HUWE1: variants seen among roughly 807,000 people sequenced by gnomAD.
HUWE1 encodes the protein HECT, UBA and WWE domain containing E3 ubiquitin protein ligase 1, also known as E3 ubiquitin-protein ligase HUWE1.
HUWE1 carries 18 observed loss-of-function variants against 299.4 expected under a neutral mutation model. That is an observed-to-expected ratio of 0.06 (90% CI 0.04 to 0.09). HUWE1 has a LOEUF of 0.09. Among genes scored for constraint, HUWE1 ranks in the 10% least tolerant of loss-of-function variants. The probability of loss-of-function intolerance (pLI) is 1.00; values close to 1 mark genes in which losing one functional copy is unlikely to be tolerated. For missense variants in HUWE1, 1,832 were observed against 3,462.3 expected (o/e 0.53, Z 11.82); for synonymous variants, 1,317 against 1,286.1 (o/e 1.02, Z -0.51).
At chrX:53,560,515 G>A in intron 55 of HUWE1, 99 bp from the exon 56 acceptor site, 1 of 718,452 alleles carries the variant, frequency 1.4e-6, no homozygotes, top group Non-Finnish European at 2.1e-6. Context: ...TCCTCACACG[G>A]AAACCTGAGC....
intron 42 of HUWE1, among the ~76,000 whole-genome samples, chrX:53,583,320 A>G (rs1373352909): frequency 9.2e-6 from 1 of 109,225 alleles, no homozygotes; most frequent in Non-Finnish European, 1.9e-5. Context: ...AAAAAAAAAG[A>G]AAAAAAGAAA....
chrX:53,622,079 T>C (rs1342970299), intron 19 of HUWE1, among the ~76,000 whole-genome samples: 1 of 111,863 alleles, frequency 8.9e-6, no homozygotes, highest in Non-Finnish European at 1.9e-5. Flanking sequence ...AGTCAGAATA[T>C]TTAGTGGGTT....
chrX:53,654,859 C>T (rs1557042216), intron 3 of HUWE1, among the ~76,000 whole-genome samples: 1 of 112,422 alleles, frequency 8.9e-6, no homozygotes, highest in African/African-American at 3.2e-5. Context: ...TTTACCTATG[C>T]ACCTTTTACT....
intron 8 of HUWE1, among the ~76,000 whole-genome samples, chrX:53,632,904 T>A (rs1334140433): frequency 8.9e-6 from 1 of 112,251 alleles, no homozygotes; most frequent in Non-Finnish European, 1.9e-5. Context: ...CAGTAATGAA[T>A]AAGAATCCAA....
intron 79 of HUWE1, 45 bp from the exon 80 acceptor site, chrX:53,536,297 GGAA>G (rs1368859455): frequency 8.7e-7 from 1 of 1,144,643 alleles, no homozygotes. Flanking sequence ...CGAGTGGGGG[GGAA>G]GAAGGAGCAC....
chrX:53,533,824 C>G (rs1379182415), intron 83 of HUWE1, 183 bp downstream of exon 83: 1 of 493,884 alleles, frequency 2.0e-6, no homozygotes, highest in Non-Finnish European at 3.6e-6. Flanking sequence ...GTCTCCCCAG[C>G]CCCCACTGTG....
intron 65 of HUWE1, 25 bp from the exon 66 acceptor site, chrX:53,550,793 G>C (rs2061737912): frequency 1.7e-6 from 2 of 1,198,299 alleles, no homozygotes; most frequent in Non-Finnish European, 2.3e-6. Context: ...AAAGAAAACT[G>C]AGATTGTGGA....
At chrX:53,588,858 A>G (rs1443131690) in intron 36 of HUWE1, among the ~76,000 whole-genome samples, 2 of 112,180 alleles carry the variant, frequency 1.8e-5, no homozygotes, top group Non-Finnish European at 3.8e-5. Flanking sequence ...TCCATCAGCA[A>G]TCTTTCATTT....
chrX:53,549,676 T>C (rs1470304775), intron 66 of HUWE1, among the ~76,000 whole-genome samples, 171 bp from the exon 67 acceptor site: 2 of 110,875 alleles, frequency 1.8e-5, no homozygotes, highest in Non-Finnish European at 3.8e-5. Context: ...GTGTCTACTA[T>C]GTACCAGGCA....
At chrX:53,648,004 A>G (rs1268410833) in intron 5 of HUWE1, among the ~76,000 whole-genome samples, 3 of 112,518 alleles carry the variant, frequency 2.7e-5, no homozygotes, top group Non-Finnish European at 5.6e-5. Flanking sequence ...ATTCTTAAGC[A>G]TCACCTGTGA....
intron 7 of HUWE1, among the ~76,000 whole-genome samples, chrX:53,637,608 T>TA (rs1250714132): frequency 2.7e-5 from 3 of 112,621 alleles, no homozygotes; most frequent in Non-Finnish European, 5.6e-5. Context: ...TGCAACTTGA[T>TA]AAAAAACAAG....
chrX:53,677,349 C>T (rs1276215748), intron 3 of HUWE1, among the ~76,000 whole-genome samples: 2 of 110,406 alleles, frequency 1.8e-5, no homozygotes, highest in African/African-American at 6.6e-5. Context: ...TGCATTAACT[C>T]AGCTAAATTT....
At chrX:53,535,591 G>C in intron 80 of HUWE1, 90 bp from the exon 81 acceptor site, 1 of 612,885 alleles carries the variant, frequency 1.6e-6, no homozygotes, top group Non-Finnish European at 2.8e-6. Context: ...CCCTTGCCAT[G>C]TCCTAGGCAG....
chrX:53,538,754 A>G, intron 76 of HUWE1, 81 bp downstream of exon 76: 1 of 693,751 alleles, frequency 1.4e-6, no homozygotes, highest in Admixed American at 3.3e-5. Context: ...TCTCTCTCTC[A>G]TCAACTAAGG....
intron 3 of HUWE1, among the ~76,000 whole-genome samples, chrX:53,656,173 A>C (rs2068735155): frequency 9.2e-6 from 1 of 109,167 alleles, no homozygotes; most frequent in Admixed American, 9.8e-5. Context: ...CAGGAGATGG[A>C]GACCATCCTG....
intron 49 of HUWE1, among the ~76,000 whole-genome samples, chrX:53,566,120 T>TGG (rs2062532998): frequency 2.8e-5 from 1 of 36,350 alleles, no homozygotes; most frequent in Non-Finnish European, 5.4e-5. Context: ...TGTATGTATG[T>TGG]GTGTGTGTGT....
In HUWE1 at chrX:53,631,380, C is replaced by A. The variant is rs374856040; in HGVS notation, c.762+34G>T. The A allele has an allele frequency of 2.4e-5, 25 of 1,043,541 alleles. No homozygotes were observed. The African/African-American group carries it at 3.3e-4, about 14-fold the overall frequency. 86.0% of individuals were successfully genotyped at this position (1,043,541 alleles called of 1,213,427 possible). ...ATCATTAATCTATTTAGATAACAAC[C>A]ACATCCTGTGGATGTTTTAAAGCCA... On this transcript the variant is annotated intron_variant, in intron 11 of 83. Transcript: ENST00000262854.
intron 24 of HUWE1, 49 bp downstream of exon 24, chrX:53,608,803 G>C (rs782417636): frequency 3.9e-6 from 3 of 777,233 alleles, no homozygotes; most frequent in Non-Finnish European, 6.0e-6. Flanking sequence ...ACATTTTCCA[G>C]AAAAGCACAT....
At chrX:53,626,108 A>G in intron 17 of HUWE1, 1 of 341,281 alleles carries the variant, frequency 2.9e-6, no homozygotes, top group Non-Finnish European at 5.7e-6. Context: ...TGTTTGAGAA[A>G]ATTTCTTCCA....
Sources: allele counts gnomAD v4.1 joint callset (sites outside exome capture counted in the v4.1 genomes callset), GRCh38; gene constraint gnomAD v4.1.1; transcripts MANE v1.5; gene names NCBI Gene and HGNC (gene_info 2026-07-23, HGNC 2026-07-21).